The following ATL3 variants were observed in gnomAD, a reference collection of about 807,000 sequenced individuals.
ATL3 encodes the protein atlastin-3.
Under a neutral mutation model 69.5 loss-of-function variants are expected in ATL3, and 49 were observed. The ratio of observed to expected loss-of-function variants is 0.71; its 90% confidence interval spans 0.56 to 0.89. The LOEUF (loss-of-function observed/expected upper bound fraction) is 0.89, where lower values mean the gene tolerates loss of function less well. Ranked by LOEUF, ATL3 falls within the 40% of genes least tolerant of loss-of-function variation. ATL3 has a pLI of 0.00. For synonymous variants in ATL3, 214 were observed against 224.1 expected, an observed-to-expected ratio of 0.95 and a Z score of 0.40; for missense variants, 606 against 645.7, an observed-to-expected ratio of 0.94 and a Z score of 0.67.
upstream of ATL3, chr11:63,671,942 G>C (rs1368179353): frequency 1.4e-5 from 3 of 219,188 alleles, no homozygotes; most frequent in African/African-American, 2.4e-5. Flanking sequence ...GGGCAGAAGA[G>C]AGGCCTCAAC....
chr11:63,635,660 G>A, intron 9 of ATL3, 70 bp from the exon 10 acceptor site: 1 of 1,249,778 alleles, frequency 8.0e-7, no homozygotes, highest in East Asian at 2.5e-5. Context: ...TTAATTTTTA[G>A]AAAGTGACCA....
At chr11:63,669,980 C>T (rs1940722412) in intron 1 of ATL3, among the ~76,000 whole-genome samples, 1 of 151,762 alleles carries the variant, frequency 6.6e-6, no homozygotes, top group Admixed American at 6.6e-5. Flanking sequence ...GTGGAGAGCG[C>T]CTGTAATCCC....
chr11:63,626,874 G>A lies in ATL3; in HGVS notation c.*2445C>T, dbSNP rs1199129742. ...TCAATTTACTGTTGAGAGAAAAGAG[G>A]CCAAAGAAAACTCTTAAGAACCCTC... On this transcript the variant is annotated 3_prime_UTR_variant, in exon 13 of 13. Transcript: ENST00000398868. 1 of 151,510 alleles carries A rather than the reference G, an allele frequency of 6.6e-6. No homozygotes were observed. The highest frequency in any genetic ancestry group is 1.5e-5 in the Non-Finnish European group (1 of 67,930). The allele number at this position is 151,510 out of a possible 1,614,324, so 9.4% of individuals were successfully genotyped here. A position where few individuals can be genotyped will look rare whatever the true frequency, so the allele number is the denominator to read the frequency against.
chr11:63,648,617 T>A (rs931986673), intron 5 of ATL3, among the ~76,000 whole-genome samples: 4 of 152,210 alleles, frequency 2.6e-5, no homozygotes, highest in Non-Finnish European at 5.9e-5. Flanking sequence ...GAGACCAGCC[T>A]GGCCAACATG....
rs771575716 is a variant in ATL3, at chr11:63,658,869, T to C, written c.297A>G (p.Pro99=). ...AGGAAAATCCTGTTAACGGTTCTTC[T>C]GGGTCACCCAACCAATTTGAATGGC... The part of the protein sequence containing the change: ...ESGHSNWLGD[P]EEPLTGFSWR... The change falls in exon 3 of 13, where the codon CCA becomes CCG. Residue 99 remains proline, a synonymous_variant. Coordinates refer to ENST00000398868, the MANE Select transcript of ATL3 (RefSeq NM_015459.5). The C allele has an allele frequency of 3.7e-6, 6 of 1,609,368 alleles. No homozygotes were observed. The highest frequency in any genetic ancestry group is 3.4e-5 in the South Asian group (3 of 89,260).
intron 3 of ATL3, among the ~76,000 whole-genome samples, chr11:63,655,991 A>G (rs1026828236): frequency 2.0e-5 from 3 of 151,702 alleles, no homozygotes; most frequent in South Asian, 2.1e-4. Context: ...TTGGGAGGCC[A>G]AGGCGGGCAG....
intron 6 of ATL3, among the ~76,000 whole-genome samples, chr11:63,644,755 ATATGAGGTCAATATATCCTATC>A (rs1340459971): frequency 3.9e-5 from 6 of 152,220 alleles, no homozygotes; most frequent in East Asian, 3.8e-4. Flanking sequence ...TTTAAGCCAA[ATATGAGGTCAATATATCCTATC>A]TGCTATTTTT....
At chr11:63,668,459 T>C (rs1231684326) in intron 1 of ATL3, among the ~76,000 whole-genome samples, 2 of 152,264 alleles carry the variant, frequency 1.3e-5, no homozygotes, top group Admixed American at 6.5e-5. Context: ...GTGAAAATAC[T>C]ATTTAAATCT....
At chr11:63,661,034 T>A (rs1026539712) in intron 1 of ATL3, among the ~76,000 whole-genome samples, 1 of 149,554 alleles carries the variant, frequency 6.7e-6, no homozygotes, top group Admixed American at 6.7e-5. Context: ...GCCAACATGG[T>A]AAAGCCCCGT....
At position 63,659,262 on chromosome 11, in the gene ATL3, T is replaced by C. The variant is rs761009322; in HGVS notation, c.47-10A>G. 2.4e-5 allele frequency: 38 copies of C among 1,609,924 alleles called. No individual in the cohort carries two copies. Among genetic ancestry groups the C allele is most frequent in the Non-Finnish European group, 2.9e-5 (34 of 1,177,738 alleles). ...CTCTCCATGGCATCATCTATGTTCA[T>C]GCAGAGAAAAAAAATCAGTGTCAAA... On this transcript the variant is annotated splice_polypyrimidine_tract_variant and intron_variant, in intron 1 of 12. Coordinates refer to ENST00000398868, the MANE Select transcript of ATL3 (RefSeq NM_015459.5).
At chr11:63,634,038 CAAA>C (rs1158615731) in intron 10 of ATL3, among the ~76,000 whole-genome samples, 5 of 76,108 alleles carry the variant, frequency 6.6e-5, no homozygotes, top group Admixed American at 3.4e-4. Context: ...CTGTCTCAAA[CAAA>C]AAAAAAAAAA....
At chr11:63,651,797 C>T in intron 5 of ATL3, 139 bp downstream of exon 5, 2 of 1,271,272 alleles carry the variant, frequency 1.6e-6, no homozygotes, top group Non-Finnish European at 2.1e-6. Flanking sequence ...AATGGCTATA[C>T]ATAGTATAGA....
intron 1 of ATL3, among the ~76,000 whole-genome samples, chr11:63,663,124 T>G (rs953571675): frequency 6.7e-6 from 1 of 148,310 alleles, no homozygotes; most frequent in Admixed American, 6.7e-5. Context: ...TCTTCGCACT[T>G]TTTTTTTTTT....
intron 1 of ATL3, among the ~76,000 whole-genome samples, chr11:63,664,247 T>C (rs1458918092): frequency 1.3e-5 from 2 of 152,190 alleles, no homozygotes; most frequent in Admixed American, 1.3e-4. Context: ...ATTAAAAGTT[T>C]ACTGAGCGAG....
intron 9 of ATL3, 98 bp downstream of exon 9, chr11:63,636,109 A>G (rs536985106): frequency 6.7e-7 from 1 of 1,501,518 alleles, no homozygotes; most frequent in African/African-American, 1.4e-5. Flanking sequence ...TCCCCCAGAA[A>G]ATTTTTAAGT....
intron 8 of ATL3, among the ~76,000 whole-genome samples, chr11:63,639,465 G>T (rs1405457419): frequency 6.6e-6 from 1 of 152,186 alleles, no homozygotes; most frequent in Non-Finnish European, 1.5e-5. Context: ...AGAAAGTACT[G>T]GCTGGGCGTG....
At chr11:63,658,428 C>T (rs1420777117) in intron 3 of ATL3, among the ~76,000 whole-genome samples, 1 of 152,138 alleles carries the variant, frequency 6.6e-6, no homozygotes, top group African/African-American at 2.4e-5. Flanking sequence ...CTAAGGAATA[C>T]TACATAAAGT....
intron 1 of ATL3, chr11:63,670,449 T>C (rs1162182363): frequency 6.6e-6 from 1 of 152,262 alleles, no homozygotes; most frequent in African/African-American, 2.4e-5. Context: ...TCTTCACTGT[T>C]CTTTTCCTTT....
chr11:63,648,607 G>A (rs749064028), intron 5 of ATL3, among the ~76,000 whole-genome samples: 19 of 152,140 alleles, frequency 1.2e-4, no homozygotes, highest in Non-Finnish European at 2.4e-4. Context: ...TCAGGAGTTC[G>A]AGACCAGCCT....
Sources: gnomAD v4.1 joint callset for allele counts (sites outside exome capture counted in the v4.1 genomes callset) on GRCh38, gnomAD v4.1.1 for gene constraint, MANE v1.5 for transcripts, NCBI Gene and HGNC (gene_info 2026-07-23, HGNC 2026-07-21) for gene names.